SGCZ: variants seen among roughly 807,000 people sequenced by gnomAD.
The protein encoded by SGCZ is zeta-sarcoglycan.
Under a neutral mutation model 41.3 loss-of-function variants are expected in SGCZ, and 40 were observed. The ratio of observed to expected loss-of-function variants is 0.97; its 90% confidence interval spans 0.75 to 1.26. The LOEUF is 1.26. Among genes scored for constraint, SGCZ ranks in the 50% most tolerant of loss-of-function variants. The pLI, the probability that SGCZ is intolerant of heterozygous loss-of-function variation, is 0.00. For missense variants in SGCZ, 552 were observed against 369.8 expected (o/e 1.49, Z -4.04); for synonymous variants, 206 against 137.5 (o/e 1.50, Z -3.49).
intron 1 of SGCZ, among the ~76,000 whole-genome samples, chr8:15,162,976 A>T (rs1799557902): frequency 1.3e-5 from 2 of 152,180 alleles, no homozygotes; most frequent in Admixed American, 1.3e-4. Flanking sequence ...ATTTGCATAA[A>T]ATGTCTTGTG....
chr8:14,103,289 C>T (rs2116986474), intron 6 of SGCZ, among the ~76,000 whole-genome samples: 1 of 152,126 alleles, frequency 6.6e-6, no homozygotes, highest in Non-Finnish European at 1.5e-5. Context: ...AAAAATGACA[C>T]ACAACACAGG....
At chr8:14,891,316 T>C (rs1013561314) in intron 1 of SGCZ, among the ~76,000 whole-genome samples, 1 of 152,156 alleles carries the variant, frequency 6.6e-6, no homozygotes, top group Non-Finnish European at 1.5e-5. Flanking sequence ...GAGGTCAAAA[T>C]AGAAACATTA....
chr8:14,459,683 T>C (rs1236515609), intron 2 of SGCZ, among the ~76,000 whole-genome samples: 1 of 152,144 alleles, frequency 6.6e-6, no homozygotes, highest in Non-Finnish European at 1.5e-5. Flanking sequence ...GAAGTAATGA[T>C]GCTTAACAAC....
chr8:15,025,988 C>G (rs1803443591), intron 1 of SGCZ, among the ~76,000 whole-genome samples: 1 of 152,036 alleles, frequency 6.6e-6, no homozygotes, highest in African/African-American at 2.4e-5. Flanking sequence ...GTCTGATACA[C>G]CTAGTTTTAA....
At chr8:14,329,714 T>C (rs1802246447) in intron 2 of SGCZ, among the ~76,000 whole-genome samples, 1 of 152,162 alleles carries the variant, frequency 6.6e-6, no homozygotes, top group Non-Finnish European at 1.5e-5. Flanking sequence ...AGGGGAAATA[T>C]TATAAAACAG....
intron 1 of SGCZ, among the ~76,000 whole-genome samples, chr8:15,093,448 G>A (rs928373815): frequency 6.6e-6 from 1 of 152,180 alleles, no homozygotes; most frequent in African/African-American, 2.4e-5. Context: ...GTAGTATACA[G>A]TTTGTAGTGA....
At chr8:15,027,740 T>C (rs1395394671) in intron 1 of SGCZ, among the ~76,000 whole-genome samples, 1 of 152,046 alleles carries the variant, frequency 6.6e-6, no homozygotes, top group Non-Finnish European at 1.5e-5. Context: ...CCTCATTTTA[T>C]AGACTAGTTT....
intron 1 of SGCZ, among the ~76,000 whole-genome samples, chr8:14,720,036 G>A (rs1380521911): frequency 6.6e-6 from 1 of 151,964 alleles, no homozygotes; most frequent in Non-Finnish European, 1.5e-5. Flanking sequence ...TTTGTAGAAG[G>A]TGTAAGGAAG....
intron 1 of SGCZ, among the ~76,000 whole-genome samples, chr8:15,088,507 C>G (rs1353822383): frequency 2.0e-5 from 3 of 152,026 alleles, no homozygotes; most frequent in African/African-American, 7.2e-5. Flanking sequence ...AATACATGTA[C>G]TTTATATAAA....
intron 1 of SGCZ, among the ~76,000 whole-genome samples, chr8:15,006,141 A>G (rs1442484988): frequency 2.0e-5 from 3 of 152,212 alleles, no homozygotes; most frequent in African/African-American, 4.8e-5. Context: ...AGAGAGGAAT[A>G]AATACAAAAC....
intron 1 of SGCZ, among the ~76,000 whole-genome samples, chr8:14,750,419 G>A (rs1227338764): frequency 1.3e-5 from 2 of 152,106 alleles, no homozygotes; most frequent in Non-Finnish European, 2.9e-5. Flanking sequence ...GCAAGCATAG[G>A]AAGGGACAAT....
intron 1 of SGCZ, among the ~76,000 whole-genome samples, chr8:14,784,957 A>T (rs1240912656): frequency 9.8e-6 from 1 of 102,206 alleles, no homozygotes; most frequent in African/African-American, 3.7e-5. Context: ...TTTTTATATT[A>T]TATATATATA....
chr8:14,487,320 G>T (rs1446189450), intron 2 of SGCZ, among the ~76,000 whole-genome samples: 1 of 152,052 alleles, frequency 6.6e-6, no homozygotes, highest in Non-Finnish European at 1.5e-5. Flanking sequence ...ATACTTGCAA[G>T]TATGTTGATT....
intron 1 of SGCZ, among the ~76,000 whole-genome samples, chr8:14,968,898 C>T (rs989743127): frequency 5.3e-5 from 8 of 152,012 alleles, no homozygotes; most frequent in East Asian, 1.9e-4. Context: ...GCTTTTCATT[C>T]GAGCTTTTTT....
Position 15,165,326 on chromosome 8 carries a change from C to T in SGCZ, c.39+72259G>A, listed in dbSNP as rs1040879165. Among the ~76,000 whole-genome samples, 87 of 152,038 alleles carry T rather than the reference C, an allele frequency of 5.7e-4. 2 individuals carry two copies. The highest frequency in any genetic ancestry group is 4.0e-3 in the Admixed American group (61 of 15,250). On this transcript the variant is annotated intron_variant, in intron 1 of 7. Transcript: ENST00000382080. ...AAAAAAAACCTCTAATTAATTTGGC[C>T]TGAAGAAAAAAGCTGTGGAACCTTT...
rs1801650680 is a variant in SGCZ at position 14,090,418 on chromosome 8, C to G, written c.*25G>C. ...AGACGGACAGGAACAAAAGGCTATT[C>G]TGGTGTGAGGAGAAATCAGTCACTT... On this transcript the variant is annotated 3_prime_UTR_variant, in exon 8 of 8. Coordinates refer to ENST00000382080, the MANE Select transcript of SGCZ (RefSeq NM_139167.4). 3 of 1,603,802 alleles carry G rather than the reference C, an allele frequency of 1.9e-6. No individual in the cohort carries two copies. Among genetic ancestry groups the G allele is most frequent in the East Asian group, 4.5e-5 (2 of 44,780 alleles).
chr8:15,223,261 A>G (rs1801664402), intron 1 of SGCZ, among the ~76,000 whole-genome samples: 1 of 152,202 alleles, frequency 6.6e-6, no homozygotes, highest in Non-Finnish European at 1.5e-5. Context: ...CTAAAATGGA[A>G]GACTCAGAAT....
intron 1 of SGCZ, among the ~76,000 whole-genome samples, chr8:14,660,078 C>T (rs1807699113): frequency 6.6e-6 from 1 of 152,134 alleles, no homozygotes; most frequent in Non-Finnish European, 1.5e-5. Context: ...ACCAACCTTG[C>T]TGGTGCCTTG....
intron 1 of SGCZ, among the ~76,000 whole-genome samples, chr8:14,618,021 G>C (rs1447971055): frequency 1.3e-5 from 2 of 151,892 alleles, no homozygotes; most frequent in Non-Finnish European, 2.9e-5. Context: ...CCATTTTTCT[G>C]AGAAAAATGG....
Sources: allele counts gnomAD v4.1 joint callset (sites outside exome capture counted in the v4.1 genomes callset), GRCh38; gene constraint gnomAD v4.1.1; transcripts MANE v1.5; gene names NCBI Gene and HGNC (gene_info 2026-07-23, HGNC 2026-07-21).